The following CATSPERE variants were observed in gnomAD, a reference collection of about 807,000 sequenced individuals.
CATSPERE encodes the protein cation channel sperm-associated auxiliary subunit epsilon.
Under a neutral mutation model 114.1 loss-of-function variants are expected in CATSPERE, and 93 were observed. The ratio of observed to expected loss-of-function variants is 0.81; its 90% CI spans 0.69 to 0.97. The LOEUF is 0.97. CATSPERE is among the 50% of genes least tolerant of loss of function. The pLI is 0.00. For synonymous variants in CATSPERE, 341 were observed against 384.1 expected (o/e 0.89, Z 1.31); for missense variants, 1,058 against 1,131.6 (o/e 0.93, Z 0.93).
chr1:244,496,813 C>A (rs997930045), intron 6 of CATSPERE, among the ~76,000 whole-genome samples: 1 of 152,144 alleles, frequency 6.6e-6, no homozygotes, highest in Non-Finnish European at 1.5e-5. Context: ...CTGGTCATGG[C>A]AGGCATTGAA....
intron 14 of CATSPERE, among the ~76,000 whole-genome samples, chr1:244,589,118 C>T (rs1406054158): frequency 6.6e-6 from 1 of 152,176 alleles, no homozygotes; most frequent in Non-Finnish European, 1.5e-5. Flanking sequence ...ACCTCTCTTT[C>T]TTCTACATGG....
chr1:244,517,898 G>A (rs1467376555), intron 7 of CATSPERE, among the ~76,000 whole-genome samples: 1 of 151,930 alleles, frequency 6.6e-6, no homozygotes, highest in Non-Finnish European at 1.5e-5. Context: ...CTCCTTACTG[G>A]CACTCATGAT....
At chr1:244,453,500 C>T (rs2148031076), upstream of CATSPERE, among the ~76,000 whole-genome samples, 1 of 152,320 alleles carries the variant, frequency 6.6e-6, no homozygotes, top group Middle Eastern at 3.4e-3. Flanking sequence ...TGGGCGGTTA[C>T]AAATTTGGGG....
chr1:244,558,060 C>G (rs746054885), intron 9 of CATSPERE, among the ~76,000 whole-genome samples: 62 of 152,046 alleles, frequency 4.1e-4, no homozygotes, highest in Non-Finnish European at 4.9e-4. Context: ...AAGCAATTCT[C>G]GCACCTTGGC....
chr1:244,476,160 C>T (rs1008982578), intron 2 of CATSPERE, among the ~76,000 whole-genome samples: 1 of 151,962 alleles, frequency 6.6e-6, no homozygotes, highest in Non-Finnish European at 1.5e-5. Context: ...ATTTTAGGGG[C>T]CGGGTACAGT....
chr1:244,557,036 G>T (rs1298926159), intron 9 of CATSPERE, among the ~76,000 whole-genome samples: 1 of 152,100 alleles, frequency 6.6e-6, no homozygotes, highest in Admixed American at 6.6e-5. Context: ...GGCTATATAT[G>T]CATGGGTTTA....
chr1:244,601,262 G>A (rs1282221720), intron 17 of CATSPERE, among the ~76,000 whole-genome samples: 1 of 152,056 alleles, frequency 6.6e-6, no homozygotes, highest in Non-Finnish European at 1.5e-5. Flanking sequence ...AAGAAAGAGG[G>A]TAAGAAACAA....
At chr1:244,615,083 C>T (rs535031862) in intron 19 of CATSPERE, among the ~76,000 whole-genome samples, 3 of 151,850 alleles carry the variant, frequency 2.0e-5, no homozygotes, top group African/African-American at 7.3e-5. Flanking sequence ...AGAGCTGCCC[C>T]GCCACCACCC....
chr1:244,629,750 G>A (rs1673689837), intron 20 of CATSPERE, among the ~76,000 whole-genome samples: 1 of 151,912 alleles, frequency 6.6e-6, no homozygotes, highest in Non-Finnish European at 1.5e-5. Context: ...AGCAATTCTT[G>A]TGCCTCAGCC....
At chr1:244,569,737 C>T (rs1664165248) in intron 10 of CATSPERE, among the ~76,000 whole-genome samples, 1 of 151,982 alleles carries the variant, frequency 6.6e-6, no homozygotes, top group African/African-American at 2.4e-5. Flanking sequence ...CTGATGTTGC[C>T]TTAAACCATT....
intron 8 of CATSPERE, among the ~76,000 whole-genome samples, chr1:244,532,723 G>A (rs3005955): frequency 0.13 from 19,571 of 151,968 alleles, 2,191 homozygotes; most frequent in African/African-American, 0.3. Flanking sequence ...GTCAGAGAAG[G>A]TACTTCATAT....
intron 8 of CATSPERE, among the ~76,000 whole-genome samples, chr1:244,537,182 C>T (rs1334216957): frequency 6.6e-6 from 1 of 152,104 alleles, no homozygotes; most frequent in Non-Finnish European, 1.5e-5. Context: ...TTTAGACTCT[C>T]TTTATCAAGT....
At chr1:244,481,409 C>T (rs920896817) in intron 5 of CATSPERE, among the ~76,000 whole-genome samples, 1 of 152,122 alleles carries the variant, frequency 6.6e-6, no homozygotes, top group Non-Finnish European at 1.5e-5. Context: ...TGAGATTGCA[C>T]CACTGCATTT....
intron 21 of CATSPERE, among the ~76,000 whole-genome samples, chr1:244,639,132 G>T (rs1675011138): frequency 6.6e-6 from 1 of 152,154 alleles, no homozygotes; most frequent in South Asian, 2.1e-4. Flanking sequence ...TGGCACCTGA[G>T]CTGCTGTCAT....
chr1:244,489,936 G>T lies in CATSPERE; in HGVS notation c.327-511G>T, dbSNP rs962171442. ...CTGGGAGAGAGCATCAATGAGAAAA[G>T]AAATAGATTAGCACTGAGTATTAAG... On this transcript the variant is annotated intron_variant, in intron 5 of 21. Coordinates refer to ENST00000366534, the MANE Select transcript of CATSPERE (RefSeq NM_001130957.2). Among the ~76,000 whole-genome samples the T allele has an allele frequency of 5.9e-5, 9 of 152,140 alleles. No individual in the cohort carries two copies. In the South Asian group the frequency reaches 1.9e-3, roughly 31 times the overall value.
At chr1:244,451,774 T>C (rs771680394), upstream of CATSPERE, 6 of 1,600,004 alleles carry the variant, frequency 3.7e-6, no homozygotes, top group African/African-American at 1.3e-5. The surrounding 1 kb of genome is among the most constrained non-coding windows in gnomAD (Gnocchi z 6.6). Context: ...GCAATCGCCG[T>C]TGGGCAGGGA....
intron 20 of CATSPERE, among the ~76,000 whole-genome samples, chr1:244,622,925 A>G (rs1296629148): frequency 1.3e-5 from 2 of 152,200 alleles, no homozygotes; most frequent in African/African-American, 4.8e-5. Flanking sequence ...ACACCCAAGC[A>G]GCAGGTATAT....
chr1:244,456,322 G>A (rs1201726019), upstream of CATSPERE, among the ~76,000 whole-genome samples: 1 of 151,800 alleles, frequency 6.6e-6, no homozygotes, highest in Non-Finnish European at 1.5e-5. Flanking sequence ...AGCTTTCCTA[G>A]CCCTGTTCCT....
upstream of CATSPERE, among the ~76,000 whole-genome samples, chr1:244,453,561 C>G (rs1220253027): frequency 6.6e-6 from 1 of 152,232 alleles, no homozygotes; most frequent in African/African-American, 2.4e-5. Flanking sequence ...CAGTGGCCCC[C>G]CTCCAGCAAT....
Sources: gnomAD v4.1 joint callset for allele counts (sites outside exome capture counted in the v4.1 genomes callset) on GRCh38, gnomAD v4.1.1 for gene constraint, Gnocchi (gnomAD v3.1) non-coding constraint, MANE v1.5 for transcripts, NCBI Gene and HGNC (gene_info 2026-07-23, HGNC 2026-07-21) for gene names.